The following BCL9 variants were observed in gnomAD, a reference collection of about 807,000 sequenced individuals.
BCL9 encodes BCL9 transcription coactivator.
A neutral mutation model predicts 88.5 loss-of-function variants in BCL9; 25 were observed. That is an observed-to-expected ratio of 0.28 (90% CI 0.21 to 0.39). The LOEUF is 0.39. Among genes scored for constraint, BCL9 ranks in the 10% least tolerant of loss-of-function variants. BCL9 has a pLI of 1.00. For synonymous variants in BCL9, 711 were observed against 673.3 expected, an observed-to-expected ratio of 1.06 and a Z score of -0.87; for missense variants, 1,817 against 1,877.8, an observed-to-expected ratio of 0.97 and a Z score of 0.60.
In BCL9 at chr1:147,619,114, G is replaced by A. The variant is rs201495777; in HGVS notation, c.959G>A (p.Gly320Glu). The change falls in exon 8 of 10, where the codon GGG becomes GAG. Residue 320 changes from glycine (G) to glutamate (E), a missense_variant. Gly to Glu is a moderately conservative substitution (Grantham distance 98, BLOSUM62 -2). Around this residue, in one of 2 missense-constraint regions of BCL9, gnomAD observed 1,228 missense variants for 1,191.6 expected, o/e 1.03. Coordinates refer to ENST00000234739, the MANE Select transcript of BCL9 (RefSeq NM_004326.4). The surrounding 1 kb of genome is among the most constrained non-coding windows in gnomAD (Gnocchi z 4.1). ...AGGGCAGTGACCCCTGTCTCCCAGG[G>A]GAGCAATAGCTCTTCAGCAGATCCC... is the stretch of plus-strand genomic sequence containing the variant. ...NNRAVTPVSQ[G>E]SNSSSADPKA... 1.9e-6 allele frequency: 3 copies of A among 1,613,850 alleles called. No individual in the cohort carries two copies. Among genetic ancestry groups the A allele is most frequent in the Non-Finnish European group, 2.5e-6 (3 of 1,179,898 alleles).
chr1:147,548,693 C>T (rs1654732982), intron 1 of BCL9, among the ~76,000 whole-genome samples: 1 of 152,064 alleles, frequency 6.6e-6, no homozygotes, highest in Non-Finnish European at 1.5e-5. Flanking sequence ...AAACAGTTCA[C>T]ATTGAAATAG....
chr1:147,588,103 T>A (rs587771032), intron 1 of BCL9, among the ~76,000 whole-genome samples: 6 of 152,326 alleles, frequency 3.9e-5, no homozygotes, highest in African/African-American at 1.4e-4. Context: ...ATTTGGGATA[T>A]CTGTGATTCT....
At chr1:147,617,754 C>T (rs187793858) in intron 7 of BCL9, among the ~76,000 whole-genome samples, 8 of 152,262 alleles carry the variant, frequency 5.3e-5, no homozygotes, top group Middle Eastern at 3.4e-3. Context: ...TTTGGAAATA[C>T]AGACTGGATT....
chr1:147,541,936 G>A (rs1376269767), intron 1 of BCL9, among the ~76,000 whole-genome samples: 3 of 151,242 alleles, frequency 2.0e-5, no homozygotes, highest in African/African-American at 7.3e-5. Flanking sequence ...GTGAGGGTGG[G>A]AGGGAAAAGA....
chr1:147,570,652 G>T (rs1452567288), intron 1 of BCL9, among the ~76,000 whole-genome samples: 31,041 of 125,094 alleles, frequency 0.25, 4,993 homozygotes, highest in Middle Eastern at 0.35. Context: ...TTTTTTTTTT[G>T]TAGATGGAGT....
intron 5 of BCL9, among the ~76,000 whole-genome samples, chr1:147,613,503 T>C (rs1270855609): frequency 6.6e-6 from 1 of 152,184 alleles, no homozygotes. Context: ...ATGCTGTTTG[T>C]ACTTTAGTTT....
chr1:147,559,023 C>G (rs1655247304), intron 1 of BCL9, among the ~76,000 whole-genome samples: 3 of 152,054 alleles, frequency 2.0e-5, no homozygotes, highest in Non-Finnish European at 2.9e-5. Flanking sequence ...GCAACTTGGA[C>G]TTTTGTAATT....
chr1:147,623,357 A>T (rs1658749665), intron 9 of BCL9, among the ~76,000 whole-genome samples: 1 of 152,128 alleles, frequency 6.6e-6, no homozygotes, highest in Non-Finnish European at 1.5e-5. Context: ...CATTTCGTGG[A>T]ATCTCGAGTT....
chr1:147,601,618 A>T lies in BCL9; in HGVS notation c.-477-3159A>T, dbSNP rs190075494. Among the ~76,000 whole-genome samples, 66 of 152,356 alleles carry T rather than the reference A, an allele frequency of 4.3e-4. No homozygotes were observed. In the East Asian group the frequency reaches 0.012, roughly 27 times the overall value. ...TTAGAACCTTTGTGGAAATTGTGCA[A>T]CATGATTGTCCTGTTTTGTGTTTTC... On this transcript the variant is annotated intron_variant, in intron 1 of 9. Transcript: ENST00000234739.
intron 1 of BCL9, among the ~76,000 whole-genome samples, chr1:147,554,160 C>T (rs1655004234): frequency 6.6e-6 from 1 of 152,166 alleles, no homozygotes; most frequent in Admixed American, 6.5e-5. Flanking sequence ...TTGCCATTGA[C>T]TATTTCTGTA....
At chr1:147,601,005 G>A (rs1191864207) in intron 1 of BCL9, among the ~76,000 whole-genome samples, 1 of 152,182 alleles carries the variant, frequency 6.6e-6, no homozygotes, top group East Asian at 1.9e-4. Flanking sequence ...GATATCCTAA[G>A]TAAAACAACA....
chr1:147,596,177 G>A (rs1657038654), intron 1 of BCL9, among the ~76,000 whole-genome samples: 1 of 152,192 alleles, frequency 6.6e-6, no homozygotes, highest in Non-Finnish European at 1.5e-5. Flanking sequence ...AGGAAAGGAG[G>A]TGGGAAAATT....
intron 1 of BCL9, among the ~76,000 whole-genome samples, chr1:147,578,934 C>T (rs776939460): frequency 2.0e-5 from 3 of 151,926 alleles, no homozygotes; most frequent in South Asian, 2.1e-4. Flanking sequence ...GGCACGATCT[C>T]GGCTCACTGC....
Position 147,624,871 on chromosome 1 carries a change from C to A in BCL9, c.4193C>A (p.Pro1398Gln), listed in dbSNP as rs150292509. 6 of 1,613,838 alleles carry A rather than the reference C, an allele frequency of 3.7e-6. No homozygotes were observed. The highest frequency in any genetic ancestry group is 1.3e-5 in the African/African-American group (1 of 74,862). The change falls in exon 10 of 10, where the codon CCA (proline) becomes CAA (glutamine). Residue 1398 changes from proline (P) to glutamine (Q), a missense_variant. This residue lies in a region of BCL9 where 589 missense variants were observed against 686.2 expected (regional missense o/e 0.86). Coordinates refer to ENST00000234739, the MANE Select transcript of BCL9 (RefSeq NM_004326.4). The surrounding 1 kb of genome is among the most constrained non-coding windows in gnomAD (Gnocchi z 4.4). ...CCCCAACAGAACATCATGATCCCCCCACAGATGAGGCCCCGGGGCATGGCT... is the reference window on the plus strand; with the variant it reads ...CCCCAACAGAACATCATGATCCCCCAACAGATGAGGCCCCGGGGCATGGCT... ...MGPQQNIMIP[P>Q]QMRPRGMAAD...
intron 2 of BCL9, among the ~76,000 whole-genome samples, chr1:147,605,374 G>A (rs782314176): frequency 2.6e-5 from 4 of 152,152 alleles, no homozygotes; most frequent in South Asian, 2.1e-4. Context: ...TTATAATGCC[G>A]GGGGCCATGG....
At chr1:147,554,577 A>G (rs904980518) in intron 1 of BCL9, among the ~76,000 whole-genome samples, 6 of 152,156 alleles carry the variant, frequency 3.9e-5, no homozygotes, top group African/African-American at 1.4e-4. Context: ...AAAATATAAT[A>G]CCAGACATGA....
chr1:147,600,713 G>C (rs1657343280), intron 1 of BCL9, among the ~76,000 whole-genome samples: 1 of 152,064 alleles, frequency 6.6e-6, no homozygotes, highest in Non-Finnish European at 1.5e-5. Context: ...AATTGGGATT[G>C]AGTTTGATGA....
intron 1 of BCL9, among the ~76,000 whole-genome samples, chr1:147,557,521 AG>A (rs375374809): frequency 1.3e-4 from 20 of 152,270 alleles, no homozygotes; most frequent in African/African-American, 4.8e-4. Context: ...TTGGAAGATA[AG>A]GGTAGAGGCT....
At chr1:147,569,483 A>AAG (rs1373129940) in intron 1 of BCL9, among the ~76,000 whole-genome samples, 1 of 10,794 alleles carries the variant, frequency 9.3e-5, no homozygotes, top group African/African-American at 4.1e-4. Context: ...CAAAAAAAAA[A>AAG]AAAAAGAAAG....
Sources: allele counts gnomAD v4.1 joint callset (sites outside exome capture counted in the v4.1 genomes callset), GRCh38; gene constraint gnomAD v4.1.1; regional missense constraint gnomAD v4.1.1; non-coding constraint Gnocchi (gnomAD v3.1); transcripts MANE v1.5; gene names NCBI Gene and HGNC (gene_info 2026-07-23, HGNC 2026-07-21).